TNNI3K: variants seen among roughly 807,000 people sequenced by gnomAD.
TNNI3K encodes TNNI3 interacting kinase.
A neutral mutation model predicts 114.5 loss-of-function variants in TNNI3K; 140 were observed. The ratio of observed to expected loss-of-function variants is 1.22; its 90% confidence interval spans 1.07 to 1.41. The LOEUF (loss-of-function observed/expected upper bound fraction) is 1.41, where lower values mean the gene tolerates loss of function less well. Ranked by LOEUF, TNNI3K falls within the 40% of genes most tolerant of loss-of-function variation. The pLI is 0.00. For missense variants in TNNI3K, 1,125 were observed against 1,007.6 expected (o/e 1.12, Z -1.58); for synonymous variants, 347 against 347.5 (o/e 1.00, Z 0.02).
At chr1:74,420,819 CA>C (rs1665358402) in intron 17 of TNNI3K, among the ~76,000 whole-genome samples, 1 of 152,094 alleles carries the variant, frequency 6.6e-6, no homozygotes, top group South Asian at 2.1e-4. Context: ...TAACTGATTT[CA>C]AATTTACATG....
In TNNI3K at chr1:74,297,523, G is replaced by A. The variant is rs61776174; in HGVS notation, c.444+25815G>A. On this transcript the variant is annotated intron_variant, in intron 5 of 24. Transcript: ENST00000326637. ...GGCATCTTGTCCAGTGTGTGTGTGCGTGTGTGTGTGTGTGTGTGTGTGTGT... is the reference window on the plus strand; with the variant it reads ...GGCATCTTGTCCAGTGTGTGTGTGCATGTGTGTGTGTGTGTGTGTGTGTGT... Among the ~76,000 whole-genome samples the A allele has an allele frequency of 0.02, 249 of 12,580 alleles. No homozygotes were observed. In the African/African-American group the frequency reaches 0.2, roughly 10 times the overall value. The allele number at this position is 12,580 out of a possible 152,430, so 8.3% of individuals were successfully genotyped here. A position where few individuals can be genotyped will look rare whatever the true frequency, so the allele number is the denominator to read the frequency against.
intron 5 of TNNI3K, among the ~76,000 whole-genome samples, chr1:74,307,860 G>C (rs983471344): frequency 2.0e-5 from 3 of 152,136 alleles, no homozygotes; most frequent in Non-Finnish European, 2.9e-5. Flanking sequence ...CTACTCGGAA[G>C]GTTGAGGCCG....
chr1:74,257,523 GT>G (rs1274645384), intron 4 of TNNI3K, among the ~76,000 whole-genome samples: 7 of 151,630 alleles, frequency 4.6e-5, no homozygotes, highest in South Asian at 4.2e-4. Context: ...AGAATGTTGA[GT>G]TTTTTTTATG....
At chr1:74,261,996 T>C (rs1029024356) in intron 4 of TNNI3K, among the ~76,000 whole-genome samples, 1 of 152,152 alleles carries the variant, frequency 6.6e-6, no homozygotes, top group Non-Finnish European at 1.5e-5. Flanking sequence ...ATCAGAAAAC[T>C]CTGACTTTTC....
At chr1:74,343,552 A>G (rs1229923579) in intron 9 of TNNI3K, among the ~76,000 whole-genome samples, 1 of 152,040 alleles carries the variant, frequency 6.6e-6, no homozygotes, top group Non-Finnish European at 1.5e-5. Context: ...CAAGAATCTC[A>G]TTACCAGAAT....
At chr1:74,436,206 A>G (rs2100662774) in intron 18 of TNNI3K, 74 bp downstream of exon 18, 2 of 1,574,936 alleles carry the variant, frequency 1.3e-6, no homozygotes, top group Non-Finnish European at 1.7e-6. Context: ...ATATTGTACC[A>G]TGAAACTGAA....
At chr1:74,463,360 C>T in intron 20 of TNNI3K, 81 bp from the exon 21 acceptor site, 2 of 1,484,550 alleles carry the variant, frequency 1.3e-6, no homozygotes, top group Non-Finnish European at 1.9e-6. Context: ...TTTTTAATGC[C>T]TTTTTGTGTG....
chr1:74,491,874 T>C (rs1669095032), intron 22 of TNNI3K, among the ~76,000 whole-genome samples: 1 of 152,180 alleles, frequency 6.6e-6, no homozygotes, highest in Non-Finnish European at 1.5e-5. Context: ...AGCATAAATT[T>C]AACAGGCCAG....
chr1:74,539,809 T>A (rs1330384561), intron 23 of TNNI3K, among the ~76,000 whole-genome samples: 5 of 151,926 alleles, frequency 3.3e-5, no homozygotes, highest in African/African-American at 1.2e-4. Context: ...TATCACTATA[T>A]CTTATTATCA....
At chr1:74,488,673 G>A (rs1241563828) in intron 21 of TNNI3K, among the ~76,000 whole-genome samples, 1 of 151,994 alleles carries the variant, frequency 6.6e-6, no homozygotes, top group Non-Finnish European at 1.5e-5. Context: ...ATTTTTAATG[G>A]CACTGTCTGA....
At chr1:74,362,444 A>G (rs1010716735) in intron 11 of TNNI3K, among the ~76,000 whole-genome samples, 1 of 152,082 alleles carries the variant, frequency 6.6e-6, no homozygotes, top group South Asian at 2.1e-4. Context: ...TCACCAAATC[A>G]TGGAGATCTT....
intron 17 of TNNI3K, among the ~76,000 whole-genome samples, chr1:74,419,049 A>T (rs949186375): frequency 6.6e-6 from 1 of 152,090 alleles, no homozygotes; most frequent in Admixed American, 6.6e-5. Flanking sequence ...GTAACAAATT[A>T]TCAAAAGTTG....
intron 17 of TNNI3K, chr1:74,377,278 G>T (rs546956303): frequency 1.3e-5 from 2 of 151,816 alleles, no homozygotes; most frequent in African/African-American, 4.8e-5. Flanking sequence ...TCATTCATTC[G>T]TACATTTGTG....
At chr1:74,524,085 G>T (rs911412280) in intron 23 of TNNI3K, among the ~76,000 whole-genome samples, 2 of 152,238 alleles carry the variant, frequency 1.3e-5, no homozygotes, top group Non-Finnish European at 1.5e-5. Context: ...CATTTGTCAA[G>T]AGCCTAACTG....
chr1:74,283,433 T>C (rs1657135430), intron 5 of TNNI3K, among the ~76,000 whole-genome samples: 1 of 152,212 alleles, frequency 6.6e-6, no homozygotes, highest in Non-Finnish European at 1.5e-5. Context: ...AAAAGGACGC[T>C]AGCTTGTCAA....
intron 17 of TNNI3K, among the ~76,000 whole-genome samples, chr1:74,414,201 A>G (rs1447868714): frequency 3.3e-5 from 5 of 152,186 alleles, no homozygotes; most frequent in Non-Finnish European, 7.4e-5. Flanking sequence ...ATAACAATCT[A>G]TGCTGGTTAG....
At chr1:74,258,607 T>G (rs1655473503) in intron 4 of TNNI3K, among the ~76,000 whole-genome samples, 1 of 152,200 alleles carries the variant, frequency 6.6e-6, no homozygotes, top group Non-Finnish European at 1.5e-5. Context: ...GCTTCCAAAA[T>G]GATCAGAATG....
rs746377929 is a variant in TNNI3K at position 74,492,277 on chromosome 1, A to G, written c.2351+11A>G. On this transcript the variant is annotated intron_variant, in intron 23 of 24. Transcript: ENST00000326637. The stretch of plus-strand genomic sequence containing the variant: ...TGCTTTGTCCCAAAGGTGAGTGGTA[A>G]TATAAGCAAATCTCACAGTAAAGTC... The G allele has an allele frequency of 1.3e-6, 2 of 1,491,984 alleles. No individual in the cohort carries two copies. Among genetic ancestry groups the G allele is most frequent in the Non-Finnish European group, 1.8e-6 (2 of 1,104,610 alleles). The allele number at this position is 1,491,984 out of a possible 1,614,324, so 92.4% of individuals were successfully genotyped here.
At chr1:74,259,574 G>C (rs78482804) in intron 4 of TNNI3K, among the ~76,000 whole-genome samples, 4,301 of 152,082 alleles carry the variant, frequency 0.028, 215 homozygotes, top group African/African-American at 0.099. Context: ...TTGAGCTCCG[G>C]AGTTTGAAAC....
Sources: allele counts gnomAD v4.1 joint callset (sites outside exome capture counted in the v4.1 genomes callset), GRCh38; gene constraint gnomAD v4.1.1; transcripts MANE v1.5; gene names NCBI Gene and HGNC (gene_info 2026-07-23, HGNC 2026-07-21).